The following LRRC4C variants were observed in gnomAD, a reference collection of about 807,000 sequenced individuals.
The protein encoded by LRRC4C is leucine rich repeat containing 4C.
A neutral mutation model predicts 33.6 loss-of-function variants in LRRC4C; 5 were observed. That is an observed-to-expected ratio of 0.15 (90% CI 0.08 to 0.31). LRRC4C has a LOEUF of 0.31. Among genes scored for constraint, LRRC4C ranks in the 10% least tolerant of loss-of-function variants. The pLI is 1.00. For missense variants in LRRC4C, 560 were observed against 796.7 expected, an observed-to-expected ratio of 0.70 and a Z score of 3.58; for synonymous variants, 329 against 302.0, an observed-to-expected ratio of 1.09 and a Z score of -0.93.
intron 1 of LRRC4C, among the ~76,000 whole-genome samples, chr11:41,199,065 T>A (rs1051473708): frequency 1.3e-5 from 2 of 152,172 alleles, no homozygotes; most frequent in Non-Finnish European, 2.9e-5. Context: ...TTGCATGGCA[T>A]TGATTTTATA....
At chr11:40,804,946 C>A (rs752375449) in intron 2 of LRRC4C, among the ~76,000 whole-genome samples, 3 of 152,108 alleles carry the variant, frequency 2.0e-5, no homozygotes, top group Non-Finnish European at 2.9e-5. Flanking sequence ...TACATTGATT[C>A]CTAAATGGAT....
chr11:40,742,512 A>T (rs1161549197), intron 2 of LRRC4C, among the ~76,000 whole-genome samples: 1 of 152,024 alleles, frequency 6.6e-6, no homozygotes, highest in Non-Finnish European at 1.5e-5. Context: ...AAAATGTCAT[A>T]AAAAAGAGAA....
chr11:40,522,756 A>T (rs574000656), intron 3 of LRRC4C, among the ~76,000 whole-genome samples: 2 of 152,288 alleles, frequency 1.3e-5, no homozygotes, highest in South Asian at 2.1e-4. Flanking sequence ...CTGTCTTCAC[A>T]TATTTGACTA....
chr11:41,328,760 C>G (rs1043496572), intron 1 of LRRC4C, among the ~76,000 whole-genome samples: 1 of 152,200 alleles, frequency 6.6e-6, no homozygotes, highest in African/African-American at 2.4e-5. Context: ...TCAGATCTGT[C>G]TTCTTCCCCA....
At chr11:40,150,319 G>T (rs1185510087) in intron 5 of LRRC4C, among the ~76,000 whole-genome samples, 3 of 152,244 alleles carry the variant, frequency 2.0e-5, no homozygotes, top group African/African-American at 7.2e-5. Flanking sequence ...CTAGTATGTA[G>T]ATTTTTTGTG....
intron 2 of LRRC4C, among the ~76,000 whole-genome samples, chr11:40,827,043 C>T (rs939696777): frequency 6.6e-6 from 1 of 151,878 alleles, no homozygotes; most frequent in Non-Finnish European, 1.5e-5. Context: ...ACTAATCACA[C>T]AACATGCAAT....
chr11:40,326,063 T>TA (rs746566979), intron 3 of LRRC4C, among the ~76,000 whole-genome samples: 1,641 of 106,646 alleles, frequency 0.015, 28 homozygotes, highest in African/African-American at 0.046. Flanking sequence ...TTGGAAAACC[T>TA]AAAAAAAAAA....
intron 2 of LRRC4C, among the ~76,000 whole-genome samples, chr11:40,918,831 A>T (rs1315335354): frequency 1.3e-5 from 2 of 152,140 alleles, no homozygotes; most frequent in Non-Finnish European, 2.9e-5. Flanking sequence ...AGTTAAACTC[A>T]AAAGAAGAGA....
chr11:41,449,768 G>GAAA (rs35510106), intron 1 of LRRC4C, among the ~76,000 whole-genome samples: 3,115 of 108,436 alleles, frequency 0.029, 56 homozygotes, highest in Non-Finnish European at 0.036. Context: ...CCTCTTGATG[G>GAAA]AAAAAAAAAA....
At chr11:40,305,015 T>C (rs1944960173) in intron 4 of LRRC4C, among the ~76,000 whole-genome samples, 2 of 152,206 alleles carry the variant, frequency 1.3e-5, no homozygotes, top group African/African-American at 2.4e-5. Flanking sequence ...TCTACCCTCC[T>C]TGGCCTCCCA....
intron 1 of LRRC4C, among the ~76,000 whole-genome samples, chr11:41,227,863 CT>C (rs1230335988): frequency 2.0e-5 from 3 of 151,876 alleles, no homozygotes; most frequent in Non-Finnish European, 4.4e-5. Context: ...CCTGTCTTCC[CT>C]TCCTTTTTCT....
chr11:40,908,928 C>T (rs1228218112), intron 2 of LRRC4C, among the ~76,000 whole-genome samples: 1 of 152,090 alleles, frequency 6.6e-6, no homozygotes, highest in African/African-American at 2.4e-5. Context: ...GGGTGCATTA[C>T]CTATGCCATT....
chr11:40,821,397 A>G (rs1358403793), intron 2 of LRRC4C, among the ~76,000 whole-genome samples: 1 of 151,698 alleles, frequency 6.6e-6, no homozygotes, highest in Non-Finnish European at 1.5e-5. Flanking sequence ...GGAATTTAAT[A>G]TAAAGCCACA....
chr11:40,722,071 T>C (rs924944999), intron 2 of LRRC4C, among the ~76,000 whole-genome samples: 4 of 152,158 alleles, frequency 2.6e-5, no homozygotes, highest in African/African-American at 9.7e-5. Context: ...CGTTTTTACA[T>C]CCACAAAAAA....
At chr11:40,848,912 C>CT (rs929475997) in intron 2 of LRRC4C, among the ~76,000 whole-genome samples, 3 of 151,996 alleles carry the variant, frequency 2.0e-5, no homozygotes, top group African/African-American at 7.2e-5. Context: ...CTTTCTTTGT[C>CT]TTTTTTTGAT....
chr11:40,385,826 C>T (rs1236620630), intron 3 of LRRC4C, among the ~76,000 whole-genome samples: 1 of 149,020 alleles, frequency 6.7e-6, no homozygotes, highest in East Asian at 2.0e-4. Flanking sequence ...GAGATCGTGC[C>T]ATTGTACTCC....
chr11:40,364,639 G>T (rs562422258), intron 3 of LRRC4C, among the ~76,000 whole-genome samples: 1 of 150,518 alleles, frequency 6.6e-6, no homozygotes, highest in South Asian at 2.1e-4. Flanking sequence ...AGAAAAGAAT[G>T]TTTGTTAAAA....
At chr11:40,841,992 C>T (rs775936445) in intron 2 of LRRC4C, among the ~76,000 whole-genome samples, 1 of 152,170 alleles carries the variant, frequency 6.6e-6, no homozygotes, top group Non-Finnish European at 1.5e-5. Context: ...TTTCCCTTCC[C>T]TAGCATTGAA....
At chr11:40,162,306 T>A (rs1045455568) in intron 5 of LRRC4C, among the ~76,000 whole-genome samples, 1 of 152,186 alleles carries the variant, frequency 6.6e-6, no homozygotes, top group Non-Finnish European at 1.5e-5. Context: ...ATTTTGGCAT[T>A]TTTCTTTGGT....
Sources: allele counts gnomAD v4.1 joint callset (sites outside exome capture counted in the v4.1 genomes callset), GRCh38; gene constraint gnomAD v4.1.1; transcripts MANE v1.5; gene names NCBI Gene and HGNC (gene_info 2026-07-23, HGNC 2026-07-21).